Variants in HS3ST3B1 observed in about 807,000 individuals in gnomAD.
The protein encoded by HS3ST3B1 is heparan sulfate-glucosamine 3-sulfotransferase 3B1.
A neutral mutation model predicts 21.3 loss-of-function variants in HS3ST3B1; 13 were observed. The ratio of observed to expected loss-of-function variants is 0.61; its 90% CI spans 0.40 to 0.97. The LOEUF (loss-of-function observed/expected upper bound fraction) is 0.97, where lower values mean the gene tolerates loss of function less well. HS3ST3B1 is among the 50% of genes least tolerant of loss of function. The pLI is 0.00. For synonymous variants in HS3ST3B1, 234 were observed against 254.8 expected (o/e 0.92, Z 0.78); for missense variants, 459 against 554.8 (o/e 0.83, Z 1.73).
Position 14,301,684 on chromosome 17 carries a change from G to T in HS3ST3B1, c.166G>T (p.Ala56Ser). ...CCTGTACTCGTGCGCCGGCTCCTGC[G>T]CCGCCGCGCCGGGGCTGCTGCTCCT... ...MFLYSCAGSC[A>S]AAPGLLLLGS... The change falls in exon 1 of 2, where the codon GCC becomes TCC. Residue 56 changes from alanine (A) to serine (S), a missense_variant. Physicochemically the swap from Ala to Ser is moderately conservative, Grantham distance 99. Coordinates refer to ENST00000360954, the MANE Select transcript of HS3ST3B1 (RefSeq NM_006041.3). 1.2e-6 allele frequency: 2 copies of T among 1,601,002 alleles called. No homozygotes were observed. The highest frequency in any genetic ancestry group is 8.5e-7 in the Non-Finnish European group (1 of 1,175,944).
chr17:14,344,998 G>C, intron 1 of HS3ST3B1, 30 bp from the exon 2 acceptor site: 1 of 1,600,414 alleles, frequency 6.2e-7, no homozygotes, highest in Non-Finnish European at 8.5e-7. Context: ...GTCACCTTCT[G>C]ATCCCGGTTT....
intron 1 of HS3ST3B1, among the ~76,000 whole-genome samples, chr17:14,332,829 C>CT (rs71147859): frequency 0.014 from 1,279 of 91,028 alleles, 17 homozygotes; most frequent in East Asian, 0.047. Context: ...GACCTTTTAT[C>CT]TTTTTTTTTT....
chr17:14,313,720 G>A (rs903475904), intron 1 of HS3ST3B1, among the ~76,000 whole-genome samples: 15 of 149,376 alleles, frequency 1.0e-4, no homozygotes, highest in East Asian at 8.2e-4. Flanking sequence ...ACAGGCATGC[G>A]CCACCACACA....
In HS3ST3B1 at chr17:14,347,536, C is replaced by T. The variant is rs145746808; in HGVS notation, c.*1890C>T. 6.6e-6 allele frequency: 1 copy of T among 152,172 alleles called. No homozygotes were observed. Among genetic ancestry groups the T allele is most frequent in the African/African-American group, 2.4e-5 (1 of 41,444 alleles). 9.4% of individuals were successfully genotyped at this position (152,172 alleles called of 1,614,324 possible). A position where few individuals can be genotyped will look rare whatever the true frequency, so the allele number is the denominator to read the frequency against. ...TGGGATGGGATAGTTACAAAGGACA[C>T]TTTTGTATGTTGTATGGGATCACTT... On this transcript the variant is annotated 3_prime_UTR_variant, in exon 2 of 2. Transcript: ENST00000360954.
At chr17:14,302,812 C>T (rs1240112185) in intron 1 of HS3ST3B1, among the ~76,000 whole-genome samples, 1 of 152,194 alleles carries the variant, frequency 6.6e-6, no homozygotes, top group Non-Finnish European at 1.5e-5. Flanking sequence ...CCGGGCACCG[C>T]CGCCCGTTTC....
Position 14,301,966 on chromosome 17 carries a change from A to G in HS3ST3B1, c.448A>G (p.Thr150Ala), listed in dbSNP as rs1180400829. 1.2e-6 allele frequency: 2 copies of G among 1,609,006 alleles called. No homozygotes were observed. Among genetic ancestry groups the G allele is most frequent in the South Asian group, 2.2e-5 (2 of 90,184 alleles). ...CATCATCGGCGTGAAGAAGGGCGGC[A>G]CGCGGGCGCTGCTGGAGTTTCTGCG... The part of the protein sequence containing the change: ...AIIIGVKKGG[T>A]RALLEFLRVH... Residue 150 changes from threonine to alanine, a missense_variant, in exon 1 of 2, where the codon ACG becomes GCG. Around this residue, in one of 3 missense-constraint regions of HS3ST3B1, gnomAD observed 317 missense variants for 278.6 expected, o/e 1.14. Coordinates refer to ENST00000360954, the MANE Select transcript of HS3ST3B1 (RefSeq NM_006041.3).
chr17:14,315,968 C>T (rs892441961), intron 1 of HS3ST3B1, among the ~76,000 whole-genome samples: 2 of 152,162 alleles, frequency 1.3e-5, no homozygotes, highest in African/African-American at 2.4e-5. Flanking sequence ...CCTAGCATTT[C>T]CCCCATGAGT....
At chr17:14,334,153 G>A (rs1486900255) in intron 1 of HS3ST3B1, among the ~76,000 whole-genome samples, 2 of 152,194 alleles carry the variant, frequency 1.3e-5, no homozygotes, top group Non-Finnish European at 2.9e-5. Flanking sequence ...GCTAAAATGG[G>A]ACATTGCAGA....
intron 1 of HS3ST3B1, among the ~76,000 whole-genome samples, chr17:14,342,169 A>C (rs1279136366): frequency 6.6e-6 from 1 of 152,200 alleles, no homozygotes; most frequent in African/African-American, 2.4e-5. Context: ...TTGTGGTCTC[A>C]GTGGATTAAG....
Position 14,338,130 on chromosome 17 carries a change from G to A in HS3ST3B1, c.555-6898G>A, listed in dbSNP as rs758639211. Among the ~76,000 whole-genome samples the A allele has an allele frequency of 5.3e-4, 81 of 151,756 alleles. 1 individual carries two copies. The highest frequency in any genetic ancestry group is 1.9e-3 in the Admixed American group (29 of 15,246). ...TGGAACTGAGTGCCACAGAGGTGGC[G>A]TATACCATTTGTTTTAGACGGAGTC... On this transcript the variant is annotated intron_variant, in intron 1 of 1. Coordinates refer to ENST00000360954, the MANE Select transcript of HS3ST3B1 (RefSeq NM_006041.3).
At position 14,301,474 on chromosome 17, in the gene HS3ST3B1, C is replaced by A. The variant is rs1338116630; in HGVS notation, c.-45C>A. The A allele has an allele frequency of 1.4e-5, 20 of 1,408,866 alleles. No homozygotes were observed. The highest frequency in any genetic ancestry group is 3.0e-5 in the Admixed American group (1 of 33,748). 87.3% of individuals were successfully genotyped at this position (1,408,866 alleles called of 1,614,324 possible). ...TGCGCTCACTGCCCGGCGGGACCCA[C>A]GCCATGTGCTGAGCCATGTCCCTGG... On this transcript the variant is annotated 5_prime_UTR_variant, in exon 1 of 2. Transcript: ENST00000360954.
At chr17:14,341,892 ACT>A (rs1197836003) in intron 1 of HS3ST3B1, among the ~76,000 whole-genome samples, 1 of 152,122 alleles carries the variant, frequency 6.6e-6, no homozygotes, top group Admixed American at 6.5e-5. Context: ...GCGAGCCGAG[ACT>A]CTCTTTAATC....
At chr17:14,330,549 CGGTG>C (rs1183290683) in intron 1 of HS3ST3B1, among the ~76,000 whole-genome samples, 1 of 87,974 alleles carries the variant, frequency 1.1e-5, no homozygotes, top group African/African-American at 5.7e-5. Flanking sequence ...CCTGGTTTCC[CGGTG>C]TGTGTGTGTG....
In HS3ST3B1 at chr17:14,301,504, G is replaced by A. The variant is rs1908918558; in HGVS notation, c.-15G>A. The A allele has an allele frequency of 2.0e-6, 3 of 1,499,172 alleles. No individual in the cohort carries two copies. Among genetic ancestry groups the A allele is most frequent in the South Asian group, 1.3e-5 (1 of 77,120 alleles). 92.9% of individuals were successfully genotyped at this position (1,499,172 alleles called of 1,614,324 possible). A position where few individuals can be genotyped will look rare whatever the true frequency, so the allele number is the denominator to read the frequency against. The stretch of plus-strand genomic sequence containing the variant: ...TGTGCTGAGCCATGTCCCTGGCCGC[G>A]CCCGCGGGCAGCGCATGGGGCAGCG... On this transcript the variant is annotated 5_prime_UTR_variant, in exon 1 of 2. Transcript: ENST00000360954.
At chr17:14,322,073 C>CT (rs143339204) in intron 1 of HS3ST3B1, among the ~76,000 whole-genome samples, 11,205 of 146,554 alleles carry the variant, frequency 0.076, 647 homozygotes, top group East Asian at 0.26. Context: ...AAACCCAAAC[C>CT]TTTTTTTTTT....
At position 14,341,368 on chromosome 17, in the gene HS3ST3B1, T is replaced by G. The variant is rs559761333; in HGVS notation, c.555-3660T>G. On this transcript the variant is annotated intron_variant, in intron 1 of 1. Transcript: ENST00000360954. The stretch of plus-strand genomic sequence containing the variant: ...CCCCTGTGGGGTAGAACTGAATGAG[T>G]GACAAGTCCCCTGTGCACAAGTCTT... Among the ~76,000 whole-genome samples the G allele has an allele frequency of 3.3e-5, 5 of 152,232 alleles. No individual in the cohort carries two copies. In the South Asian group the frequency reaches 1.0e-3, roughly 32 times the overall value.
chr17:14,306,261 A>G (rs1390866670), intron 1 of HS3ST3B1, among the ~76,000 whole-genome samples: 1 of 152,206 alleles, frequency 6.6e-6, no homozygotes, highest in Non-Finnish European at 1.5e-5. Flanking sequence ...ATTTTTCTGC[A>G]AAGGACAGTT....
At position 14,325,071 on chromosome 17, in the gene HS3ST3B1, A is replaced by G. The variant is rs1909766461; in HGVS notation, c.555-19957A>G. Among the ~76,000 whole-genome samples the G allele has an allele frequency of 2.0e-5, 3 of 152,272 alleles. No homozygotes were observed. In the South Asian group the frequency reaches 6.2e-4, roughly 32 times the overall value. On this transcript the variant is annotated intron_variant, in intron 1 of 1. Transcript: ENST00000360954. ...TCCACAGCTTTCTCACAGCTTTTAA[A>G]AAAAGAAAACCTTAATTACACAAAT...
chr17:14,323,926 T>C (rs180964999), intron 1 of HS3ST3B1, among the ~76,000 whole-genome samples: 65 of 152,256 alleles, frequency 4.3e-4, no homozygotes, highest in African/African-American at 1.4e-3. Flanking sequence ...TGGAAATTGA[T>C]TCATTTGGGA....
Sources: gnomAD v4.1 joint callset for allele counts (sites outside exome capture counted in the v4.1 genomes callset) on GRCh38, gnomAD v4.1.1 for gene constraint, gnomAD v4.1.1 regional missense constraint, MANE v1.5 for transcripts, NCBI Gene and HGNC (gene_info 2026-07-23, HGNC 2026-07-21) for gene names.